The following WAPL variants were observed in gnomAD, a reference collection of about 807,000 sequenced individuals.
WAPL encodes wings apart-like protein homolog.
Under a neutral mutation model 121.0 loss-of-function variants are expected in WAPL, and 5 were observed. That is an observed-to-expected ratio of 0.04 (90% CI 0.02 to 0.09). The LOEUF is 0.09. WAPL is among the 10% of genes least tolerant of loss of function. The pLI is 1.00. For synonymous variants in WAPL, 480 were observed against 481.5 expected (o/e 1.00, Z 0.04); for missense variants, 999 against 1,410.8 (o/e 0.71, Z 4.68).
At chr10:86,454,700 T>C (rs916602757) in intron 12 of WAPL, among the ~76,000 whole-genome samples, 8 of 149,572 alleles carry the variant, frequency 5.3e-5, no homozygotes, top group African/African-American at 9.9e-5. Flanking sequence ...GCCCATCGTC[T>C]GGGATGTGAG....
Position 86,437,561 on chromosome 10 carries a change from T to G in WAPL, c.3555A>C (p.Glu1185Asp), listed in dbSNP as rs1389538859. The G allele has an allele frequency of 6.2e-7, 1 of 1,614,028 alleles. No homozygotes were observed. The highest frequency in any genetic ancestry group is 1.1e-5 in the South Asian group (1 of 91,062). The change falls in exon 19 of 19, where the codon GAA becomes GAC. Residue 1185 changes from glutamate to aspartate, a missense_variant. Around this residue, in one of 7 missense-constraint regions of WAPL, gnomAD observed 35 missense variants for 80.3 expected, o/e 0.44. Coordinates refer to ENST00000298767, the MANE Select transcript of WAPL (RefSeq NM_015045.5). ...TGQKSISRVIEYLEHC is the reference protein window; with the variant it reads ...TGQKSISRVIDYLEHC ...AAAGCAGCTAGCAATGTTCCAAATA[T>G]TCAATCACTCTAGAGATAGATTTCT...
chr10:86,479,502 CCTTG>C (rs1841733539), intron 4 of WAPL, among the ~76,000 whole-genome samples: 2 of 152,228 alleles, frequency 1.3e-5, no homozygotes, highest in South Asian at 4.1e-4. Context: ...GATCCACCTG[CCTTG>C]GCCTCCCAAA....
chr10:86,447,981 G>A (rs978259581), intron 15 of WAPL, among the ~76,000 whole-genome samples: 1 of 151,996 alleles, frequency 6.6e-6, no homozygotes. Context: ...CTGGGAGTCA[G>A]GGGTTGCAGT....
intron 4 of WAPL, among the ~76,000 whole-genome samples, chr10:86,491,731 C>G (rs553900942): frequency 1.1e-3 from 152 of 144,104 alleles, no homozygotes; most frequent in Admixed American, 2.2e-3. Context: ...ACAACTTCAA[C>G]TTAAAAAAAA....
chr10:86,517,835 C>G lies in WAPL; in HGVS notation c.235G>C (p.Asp79His). ...TGDPFGFDSD[D>H]ESLPVSSKNL... ...TTTGAAGAAACTGGTAGAGACTCAT[C>G]ATCACTATCAAATCCAAAAGGATCT... The change falls in exon 2 of 19, where the codon GAT (aspartate) becomes CAT (histidine). Residue 79 changes from aspartate (D) to histidine (H), a missense_variant. Physicochemically the swap from Asp to His is moderately conservative, Grantham distance 81. Transcript: ENST00000298767. 1 of 1,614,200 alleles carries G rather than the reference C, an allele frequency of 6.2e-7. No homozygotes were observed. The highest frequency in any genetic ancestry group is 8.5e-7 in the Non-Finnish European group (1 of 1,180,034).
In WAPL at chr10:86,469,071, T is replaced by C. The variant is rs1487130641; in HGVS notation, c.2143-1565A>G. ...GTGAGCCAAGATTGTGTCACTGCAC[T>C]CCAGCCTGGGCGACAGAGCAAGACT... On this transcript the variant is annotated intron_variant, in intron 8 of 18. Transcript: ENST00000298767. Among the ~76,000 whole-genome samples, 4 of 151,824 alleles carry C rather than the reference T, an allele frequency of 2.6e-5. No individual in the cohort carries two copies. In the East Asian group the frequency reaches 7.8e-4, roughly 30 times the overall value.
intron 17 of WAPL, among the ~76,000 whole-genome samples, chr10:86,441,990 G>A (rs1564559593): frequency 6.6e-6 from 1 of 152,140 alleles, no homozygotes; most frequent in Non-Finnish European, 1.5e-5. Flanking sequence ...TCCAACCAAA[G>A]GCATGTGAAC....
At chr10:86,474,518 A>AAG (rs2132195172) in intron 4 of WAPL, among the ~76,000 whole-genome samples, 1 of 151,484 alleles carries the variant, frequency 6.6e-6, no homozygotes, top group East Asian at 1.9e-4. Flanking sequence ...CGTCTCAAAA[A>AAG]AAAAAAAAAA....
intron 4 of WAPL, among the ~76,000 whole-genome samples, chr10:86,488,950 T>C (rs1475476903): frequency 6.6e-6 from 1 of 152,190 alleles, no homozygotes; most frequent in Non-Finnish European, 1.5e-5. Context: ...AAAAATACCA[T>C]CTTAACCAAG....
Position 86,452,074 on chromosome 10 carries a change from C to G in WAPL, c.3007G>C (p.Val1003Leu). 1 of 1,614,122 alleles carries G rather than the reference C, an allele frequency of 6.2e-7. No homozygotes were observed. The highest frequency in any genetic ancestry group is 8.5e-7 in the Non-Finnish European group (1 of 1,180,024). ...AAAGAGCACGATGTTTCCATGTTGACAAGACAGTGCCGATTCCGAGCACTA... is the reference window on the plus strand; with the variant it reads ...AAAGAGCACGATGTTTCCATGTTGAGAAGACAGTGCCGATTCCGAGCACTA... ...EYSARNRHCL[V>L]NMETSCSFDS... Residue 1003 changes from valine (V) to leucine (L), a missense_variant, in exon 15 of 19, where the codon GTC becomes CTC. Physicochemically the swap from Val to Leu is conservative, Grantham distance 32. Coordinates refer to ENST00000298767, the MANE Select transcript of WAPL (RefSeq NM_015045.5).
At chr10:86,469,703 A>C (rs1426122791) in intron 8 of WAPL, among the ~76,000 whole-genome samples, 1 of 152,214 alleles carries the variant, frequency 6.6e-6, no homozygotes, top group African/African-American at 2.4e-5. Flanking sequence ...ACAACCATCT[A>C]AAGATTTAAA....
chr10:86,506,401 TG>T (rs1185114565), intron 2 of WAPL, among the ~76,000 whole-genome samples: 1 of 152,254 alleles, frequency 6.6e-6, no homozygotes, highest in Non-Finnish European at 1.5e-5. Context: ...GACCCTTTTG[TG>T]TGGTTTTCTG....
At chr10:86,490,656 CAATTACAAAGAAATTAA>C (rs1219100182) in intron 4 of WAPL, among the ~76,000 whole-genome samples, 1 of 151,944 alleles carries the variant, frequency 6.6e-6, no homozygotes, top group Non-Finnish European at 1.5e-5. Context: ...AGGAAAAAAC[CAATTACAAAGAAATTAA>C]AATTCACTCA....
At chr10:86,497,617 C>T (rs994826626) in intron 3 of WAPL, among the ~76,000 whole-genome samples, 2 of 152,118 alleles carry the variant, frequency 1.3e-5, no homozygotes, top group Non-Finnish European at 2.9e-5. Context: ...TTCTTACTTC[C>T]GAGAGGTCAC....
At chr10:86,447,524 C>A (rs151158357) in intron 15 of WAPL, among the ~76,000 whole-genome samples, 1 of 151,852 alleles carries the variant, frequency 6.6e-6, no homozygotes. Context: ...TAAGGAAATA[C>A]CAAAAACATC....
intron 2 of WAPL, among the ~76,000 whole-genome samples, chr10:86,516,243 C>G (rs942784577): frequency 6.6e-6 from 1 of 152,126 alleles, no homozygotes; most frequent in Non-Finnish European, 1.5e-5. Flanking sequence ...GTGGGCAAAG[C>G]AGGAAGGACA....
Position 86,521,484 on chromosome 10 carries a change from AGAGGC to A in WAPL, c.-147_-143del, listed in dbSNP as rs1201070529. The stretch of plus-strand genomic sequence containing the variant: ...GCAGGGCCGGCAGGTGAGAGCCGAG[AGAGGC>A]GAGGGACTCTGCTTTCGGTAAATAG... On this transcript the variant is annotated 5_prime_UTR_variant, in exon 1 of 19. Transcript: ENST00000298767. 1 of 332,968 alleles carries A rather than the reference AGAGGC, an allele frequency of 3.0e-6. No individual in the cohort carries two copies. Among genetic ancestry groups the A allele is most frequent in the Non-Finnish European group, 6.0e-6 (1 of 165,640 alleles). 20.6% of individuals were successfully genotyped at this position (332,968 alleles called of 1,614,324 possible). A position where few individuals can be genotyped will look rare whatever the true frequency, so the allele number is the denominator to read the frequency against.
chr10:86,460,908 T>C (rs999193992), intron 10 of WAPL, among the ~76,000 whole-genome samples: 2 of 152,146 alleles, frequency 1.3e-5, no homozygotes, highest in African/African-American at 4.8e-5. Context: ...AGACGGGGTT[T>C]CTCCATGTTG....
At chr10:86,476,813 TAATA>T (rs1306545264) in intron 4 of WAPL, among the ~76,000 whole-genome samples, 1 of 152,174 alleles carries the variant, frequency 6.6e-6, no homozygotes, top group East Asian at 1.9e-4. Flanking sequence ...CCTACCTACC[TAATA>T]AAGAATATGA....
Sources: gnomAD v4.1 joint callset for allele counts (sites outside exome capture counted in the v4.1 genomes callset) on GRCh38, gnomAD v4.1.1 for gene constraint, gnomAD v4.1.1 regional missense constraint, MANE v1.5 for transcripts, NCBI Gene and HGNC (gene_info 2026-07-23, HGNC 2026-07-21) for gene names.